AVEN: variants seen among roughly 807,000 people sequenced by gnomAD.
AVEN encodes the protein apoptosis and caspase activation inhibitor.
AVEN carries 41 observed loss-of-function variants against 38.1 expected under a neutral mutation model. That is an observed-to-expected ratio of 1.08 (90% CI 0.84 to 1.40). The LOEUF (loss-of-function observed/expected upper bound fraction) is 1.40, where lower values mean the gene tolerates loss of function less well. Ranked by LOEUF, AVEN falls within the 40% of genes most tolerant of loss-of-function variation. The probability of loss-of-function intolerance (pLI) is 0.00; values close to 1 mark genes in which losing one functional copy is unlikely to be tolerated. For synonymous variants in AVEN, 206 were observed against 171.8 expected, an observed-to-expected ratio of 1.20 and a Z score of -1.56; for missense variants, 605 against 438.8, an observed-to-expected ratio of 1.38 and a Z score of -3.38.
intron 1 of AVEN, 137 bp from the exon 2 acceptor site, chr15:34,003,346 T>G (rs1389662947): frequency 2.7e-6 from 2 of 740,174 alleles, no homozygotes; most frequent in Non-Finnish European, 4.3e-6. Flanking sequence ...TTAAATATTA[T>G]TTTAAGAGAA....
intron 1 of AVEN, among the ~76,000 whole-genome samples, chr15:34,026,568 AT>A (rs961513285): frequency 1.2e-4 from 18 of 152,144 alleles, no homozygotes; most frequent in African/African-American, 4.1e-4. Flanking sequence ...GTAGTAAAAA[AT>A]ATAAACTATA....
chr15:34,029,895 A>G (rs1302582857), intron 1 of AVEN, among the ~76,000 whole-genome samples: 1 of 152,182 alleles, frequency 6.6e-6, no homozygotes. Context: ...TGATGTTGAA[A>G]CATTCTAGTC....
chr15:34,048,270 A>C (rs931422035), intron 5 of AVEN, among the ~76,000 whole-genome samples: 3 of 152,164 alleles, frequency 2.0e-5, no homozygotes, highest in African/African-American at 7.2e-5. Context: ...GGTTATATGG[A>C]TAGAGCTCTG....
intron 2 of AVEN, among the ~76,000 whole-genome samples, chr15:33,962,646 TAAC>T (rs935094400): frequency 6.8e-6 from 1 of 146,570 alleles, no homozygotes; most frequent in African/African-American, 2.5e-5. Context: ...TTTAAAAACA[TAAC>T]AAATCACTAA....
At chr15:33,857,219 G>A (rs1374037344), downstream of AVEN, among the ~76,000 whole-genome samples, 4 of 136,178 alleles carry the variant, frequency 2.9e-5, no homozygotes, top group South Asian at 2.6e-4. Context: ...TTCTGGAGGC[G>A]GTAAGTAAGT....
chr15:34,026,743 G>A (rs1311954796), intron 1 of AVEN, among the ~76,000 whole-genome samples: 1 of 152,174 alleles, frequency 6.6e-6, no homozygotes, highest in East Asian at 1.9e-4. Flanking sequence ...CACTGATATG[G>A]ATATGTGATC....
At chr15:34,050,926 A>G (rs75349173) in intron 5 of AVEN, among the ~76,000 whole-genome samples, 3,920 of 152,278 alleles carry the variant, frequency 0.026, 171 homozygotes, top group African/African-American at 0.088. Context: ...CCCACCGACT[A>G]TATTAGACAG....
At position 34,063,992 on chromosome 15, in the gene AVEN, A is replaced by G; in HGVS notation, n.1127-560T>C. On this transcript the variant is annotated intron_variant and non_coding_transcript_variant, in intron 4 of 11. Transcript: ENST00000675287. The surrounding 1 kb of genome is among the most constrained non-coding windows in gnomAD (Gnocchi z 4.1). ...GCCTCAATCCCAACCCCAGCCATCA[A>G]ATGACCAAACGAAAGAGAGTGGTCC... The G allele has an allele frequency of 6.2e-7, 1 of 1,614,188 alleles. No individual in the cohort carries two copies. The highest frequency in any genetic ancestry group is 8.5e-7 in the Non-Finnish European group (1 of 1,180,034).
At chr15:33,983,208 A>ATATATG (rs1896258696) in intron 2 of AVEN, among the ~76,000 whole-genome samples, 2 of 16,386 alleles carry the variant, frequency 1.2e-4, no homozygotes, top group African/African-American at 4.9e-4. Flanking sequence ...GTGTATATAT[A>ATATATG]TATATACATA....
At chr15:33,879,231 G>C (rs890956135) in intron 2 of AVEN, among the ~76,000 whole-genome samples, 1 of 151,676 alleles carries the variant, frequency 6.6e-6, no homozygotes, top group Non-Finnish European at 1.5e-5. Flanking sequence ...CATAAAAAAT[G>C]ATGAGTTCAT....
At chr15:33,873,083 C>A (rs1478722629) in intron 3 of AVEN, among the ~76,000 whole-genome samples, 1 of 141,996 alleles carries the variant, frequency 7.0e-6, no homozygotes, top group East Asian at 2.1e-4. Flanking sequence ...CATATTTCTA[C>A]TTTTCCTTTT....
In AVEN at chr15:33,871,153, A is replaced by G. The variant is rs571804505; in HGVS notation, c.517-123T>C. 1.8e-4 allele frequency: 96 copies of G among 521,588 alleles called. No individual in the cohort carries two copies. The South Asian group carries it at 6.0e-3, about 32-fold the overall frequency. The allele number at this position is 521,588 out of a possible 1,614,324, so 32.3% of individuals were successfully genotyped here. ...TGGCTAGGAATAAGTCACACCATAC[A>G]TCACACTTATGTGTTAGAGTTTCTG... is the stretch of plus-strand genomic sequence containing the variant. On this transcript the variant is annotated intron_variant, in intron 3 of 5. Coordinates refer to ENST00000306730, the MANE Select transcript of AVEN (RefSeq NM_020371.3).
intron 1 of AVEN, among the ~76,000 whole-genome samples, chr15:34,017,694 G>C (rs1898000381): frequency 6.6e-6 from 1 of 152,018 alleles, no homozygotes; most frequent in Non-Finnish European, 1.5e-5. Context: ...TGGCCAGGCA[G>C]GTCTCGAACT....
intron 2 of AVEN, among the ~76,000 whole-genome samples, chr15:33,920,129 T>C (rs539314254): frequency 1.3e-5 from 2 of 152,280 alleles, no homozygotes; most frequent in East Asian, 3.9e-4. Context: ...TTCTTCTATA[T>C]GCAACAGGGT....
chr15:33,949,532 T>C (rs760096238), intron 2 of AVEN, among the ~76,000 whole-genome samples: 2 of 152,156 alleles, frequency 1.3e-5, no homozygotes, highest in Non-Finnish European at 2.9e-5. Flanking sequence ...ATAATTATTA[T>C]GCATAAATTT....
chr15:33,988,633 G>C (rs187341413), intron 2 of AVEN, among the ~76,000 whole-genome samples: 32 of 152,258 alleles, frequency 2.1e-4, no homozygotes, highest in Admixed American at 1.6e-3. Flanking sequence ...ACACACACAC[G>C]TCTTGCCTAT....
intron 2 of AVEN, among the ~76,000 whole-genome samples, chr15:33,899,460 CTTTTTTTTTTTTTTTTTT>C (rs533788693): frequency 1.5e-5 from 1 of 65,430 alleles, no homozygotes; most frequent in South Asian, 6.9e-4. Context: ...CAGGGAAAAC[CTTTTTTTTTTTTTTTTTT>C]TTTTTTTTTG....
intron 2 of AVEN, among the ~76,000 whole-genome samples, chr15:33,965,938 A>C (rs1479793788): frequency 6.6e-6 from 1 of 152,048 alleles, no homozygotes; most frequent in African/African-American, 2.4e-5. Flanking sequence ...ATTAAAAAAA[A>C]AGAACAACAT....
At chr15:33,957,266 C>A (rs1188002846) in intron 2 of AVEN, among the ~76,000 whole-genome samples, 4 of 152,162 alleles carry the variant, frequency 2.6e-5, no homozygotes, top group Non-Finnish European at 4.4e-5. Context: ...TATTTAGCCA[C>A]ACGTATATCC....
Sources: allele counts gnomAD v4.1 joint callset (sites outside exome capture counted in the v4.1 genomes callset), GRCh38; gene constraint gnomAD v4.1.1; non-coding constraint Gnocchi (gnomAD v3.1); transcripts MANE v1.5; gene names NCBI Gene and HGNC (gene_info 2026-07-23, HGNC 2026-07-21).